Variants in EVC observed in about 807,000 individuals in gnomAD.
EVC encodes the protein EvC ciliary complex subunit 1, also known as evC complex member EVC.
In EVC, 116 loss-of-function variants were observed where a neutral mutation model predicts 118.9. That is an observed-to-expected ratio of 0.98 (90% CI 0.84 to 1.14). The LOEUF (loss-of-function observed/expected upper bound fraction) is 1.14. Ranked by LOEUF, EVC falls within the 50% of genes most tolerant of loss-of-function variation. The probability of loss-of-function intolerance (pLI) is 0.00; values close to 1 mark genes in which losing one functional copy is unlikely to be tolerated. For missense variants in EVC, 1,401 were observed against 1,246.4 expected (o/e 1.12, Z -1.87); for synonymous variants, 619 against 534.7 (o/e 1.16, Z -2.18).
chr4:5,809,696 C>T, intron 19 of EVC, 85 bp downstream of exon 19: 1 of 1,215,254 alleles, frequency 8.2e-7, no homozygotes, highest in Non-Finnish European at 1.2e-6. Flanking sequence ...CACTAACTAG[C>T]TGTGTGACCT....
chr4:5,828,440 G>A, the EVC span: 1 of 1,591,490 alleles, frequency 6.3e-7, no homozygotes, highest in Non-Finnish European at 8.6e-7. Flanking sequence ...AAGAGACGCT[G>A]TCGGCTCTGG....
rs12501467 is a variant in EVC at position 5,742,252 on chromosome 4, C to T, written c.801+438C>T. On this transcript the variant is annotated intron_variant, in intron 6 of 20. Coordinates refer to ENST00000264956, the MANE Select transcript of EVC (RefSeq NM_153717.3). This position sits in a 1 kb window ranked among gnomAD's most constrained non-coding sequence, Gnocchi z 5.2. ...GTTGGTATCCTGGCTTTATCTTTTA[C>T]AAGCTCTCAGAATCGTAGTTTCCTT... 6.6e-6 allele frequency among the ~76,000 whole-genome samples: 1 copy of T among 152,088 alleles called. No homozygotes were observed. The highest frequency in any genetic ancestry group is 2.4e-5 in the African/African-American group (1 of 41,420).
At chr4:5,764,605 T>A (rs200620055) in intron 11 of EVC, among the ~76,000 whole-genome samples, 51,138 of 147,830 alleles carry the variant, frequency 0.35, 9,394 homozygotes, top group Admixed American at 0.46. Flanking sequence ...ATTCAGAGAT[T>A]CAACTTCTTC....
Position 5,813,211 on chromosome 4 carries a change from T to TA in EVC, c.*2178dup, listed in dbSNP as rs1717190936. ...TATGGCTTCCTTGGTGCAATATTCT[T>TA]AAAACCTGCTTTGCATAGAAATCAC... On this transcript the variant is annotated 3_prime_UTR_variant, in exon 21 of 21. Coordinates refer to ENST00000264956, the MANE Select transcript of EVC (RefSeq NM_153717.3). 6.6e-6 allele frequency: 1 copy of TA among 152,190 alleles called. No homozygotes were observed. Among genetic ancestry groups the TA allele is most frequent in the Admixed American group, 6.5e-5 (1 of 15,284 alleles). The allele number at this position is 152,190 out of a possible 1,614,324, so 9.4% of individuals were successfully genotyped here. A position where few individuals can be genotyped will look rare whatever the true frequency, so the allele number is the denominator to read the frequency against.
At chr4:5,809,775 AC>A (rs1716590673) in intron 19 of EVC, among the ~76,000 whole-genome samples, 164 bp downstream of exon 19, 2 of 151,992 alleles carry the variant, frequency 1.3e-5, no homozygotes, top group Admixed American at 6.5e-5. Flanking sequence ...TGGCTAGGCC[AC>A]CCCTCAGGCC....
chr4:5,827,685 T>C, the EVC span, among the ~76,000 whole-genome samples: 1 of 151,552 alleles, frequency 6.6e-6, no homozygotes, highest in Admixed American at 6.6e-5. Context: ...CGTGCATGCA[T>C]GTACACATGC....
chr4:5,757,475 C>T (rs1403611333), intron 11 of EVC, among the ~76,000 whole-genome samples: 1 of 152,248 alleles, frequency 6.6e-6, no homozygotes, highest in East Asian at 1.9e-4. Flanking sequence ...GTGAATACCA[C>T]TGACTGGTGG....
intron 2 of EVC, among the ~76,000 whole-genome samples, chr4:5,724,171 A>G (rs1361538787): frequency 1.3e-5 from 2 of 152,248 alleles, no homozygotes; most frequent in African/African-American, 4.8e-5. Flanking sequence ...GCAAACATGC[A>G]TAAGGTGGCT....
chr4:5,821,674 A>T, the EVC span: 1 of 1,317,738 alleles, frequency 7.6e-7, no homozygotes, highest in Non-Finnish European at 1.1e-6. This position sits in a 1 kb window ranked among gnomAD's most constrained non-coding sequence, Gnocchi z 4.4. Flanking sequence ...CACCAACTAA[A>T]ACTGTGGGTT....
chr4:5,723,021 A>G (rs956283575), intron 2 of EVC, among the ~76,000 whole-genome samples: 4 of 152,136 alleles, frequency 2.6e-5, no homozygotes, highest in Non-Finnish European at 5.9e-5. Context: ...GGCAGAGACC[A>G]TGACCGTCCT....
rs936605119 is a variant in EVC at position 5,755,435 on chromosome 4, G to T, written c.1465-829G>T. Among the ~76,000 whole-genome samples, 5 of 152,154 alleles carry T rather than the reference G, an allele frequency of 3.3e-5. No individual in the cohort carries two copies. Among genetic ancestry groups the T allele is most frequent in the African/African-American group, 9.7e-5 (4 of 41,438 alleles). ...ATGGGCAAACGAGCGAATGAAGGAGGATGGAATGGGTGGGAGAATGAACGA... is the reference window on the plus strand; with the variant it reads ...ATGGGCAAACGAGCGAATGAAGGAGTATGGAATGGGTGGGAGAATGAACGA... On this transcript the variant is annotated intron_variant, in intron 10 of 20. Coordinates refer to ENST00000264956, the MANE Select transcript of EVC (RefSeq NM_153717.3). This position sits in a 1 kb window ranked among gnomAD's most constrained non-coding sequence, Gnocchi z 4.1.
chr4:5,814,049 G>A lies in EVC; in HGVS notation c.*3012G>A, dbSNP rs1448125736. On this transcript the variant is annotated 3_prime_UTR_variant, in exon 21 of 21. Transcript: ENST00000264956. The stretch of plus-strand genomic sequence containing the variant: ...TGTACCTGGGCACAGACTCGGGGCT[G>A]CCCTGAAGCTGATGAAGGCTTGAAG... The A allele has an allele frequency of 1.3e-5, 2 of 152,272 alleles. No homozygotes were observed. The highest frequency in any genetic ancestry group is 2.9e-5 in the Non-Finnish European group (2 of 68,084). 9.4% of individuals were successfully genotyped at this position (152,272 alleles called of 1,614,324 possible).
intron 17 of EVC, among the ~76,000 whole-genome samples, chr4:5,805,434 G>T (rs1040716736): frequency 6.6e-6 from 1 of 152,196 alleles, no homozygotes; most frequent in Non-Finnish European, 1.5e-5. Flanking sequence ...AAGCTGCTCA[G>T]TAACAGGTGT....
intron 17 of EVC, among the ~76,000 whole-genome samples, chr4:5,806,425 C>T (rs1325151617): frequency 6.6e-6 from 1 of 152,122 alleles, no homozygotes; most frequent in East Asian, 1.9e-4. Context: ...ATTGAGCTCC[C>T]ACTCATAACT....
At chr4:5,762,569 T>C (rs1228667735) in intron 11 of EVC, among the ~76,000 whole-genome samples, 1 of 147,854 alleles carries the variant, frequency 6.8e-6, no homozygotes, top group Non-Finnish European at 1.5e-5. Context: ...ACCTGTTGTT[T>C]CCTGACTTTT....
In EVC at chr4:5,742,957, G is replaced by A. The variant is rs1728831874; in HGVS notation, c.801+1143G>A. On this transcript the variant is annotated intron_variant, in intron 6 of 20. Coordinates refer to ENST00000264956, the MANE Select transcript of EVC (RefSeq NM_153717.3). The surrounding 1 kb of genome is among the most constrained non-coding windows in gnomAD (Gnocchi z 5.2). ...TGCCCAGAGTTGGTAACATATGGATGCTTGGCAACTGTATTTATACTCATG... is the reference window on the plus strand; with the variant it reads ...TGCCCAGAGTTGGTAACATATGGATACTTGGCAACTGTATTTATACTCATG... 6.6e-6 allele frequency among the ~76,000 whole-genome samples: 1 copy of A among 152,208 alleles called. No homozygotes were observed. Among genetic ancestry groups the A allele is most frequent in the Non-Finnish European group, 1.5e-5 (1 of 68,040 alleles).
chr4:5,798,758 C>A lies in EVC; in HGVS notation c.2270C>A (p.Thr757Asn). 1 of 1,611,234 alleles carries A rather than the reference C, an allele frequency of 6.2e-7. No individual in the cohort carries two copies. The highest frequency in any genetic ancestry group is 8.5e-7 in the Non-Finnish European group (1 of 1,179,968). Residue 757 changes from threonine (T) to asparagine (N), a missense_variant, in exon 15 of 21, where the codon ACC (threonine) becomes AAC (asparagine). Coordinates refer to ENST00000264956, the MANE Select transcript of EVC (RefSeq NM_153717.3). This position sits in a 1 kb window ranked among gnomAD's most constrained non-coding sequence, Gnocchi z 4.1. ...ALLVHARNAATKSRAKDRDDF... is the reference protein window; with the variant it reads ...ALLVHARNAANKSRAKDRDDF... ...CTGGTGCATGCACGGAATGCAGCCA[C>A]CAAGAGCCGGGCCAAGGACAGGGAT...
intron 11 of EVC, among the ~76,000 whole-genome samples, chr4:5,777,422 G>T (rs1734866496): frequency 6.6e-6 from 1 of 151,998 alleles, no homozygotes; most frequent in South Asian, 2.1e-4. Context: ...TTGAACTTCG[G>T]TCCTCTGACA....
intron 1 of EVC, among the ~76,000 whole-genome samples, 170 bp downstream of exon 1, chr4:5,711,724 G>A (rs948816045): frequency 1.3e-5 from 2 of 152,198 alleles, no homozygotes; most frequent in Non-Finnish European, 2.9e-5. Context: ...AGGTGGCGGC[G>A]TGACTAAAGG....
Sources: gnomAD v4.1 joint callset for allele counts (sites outside exome capture counted in the v4.1 genomes callset) on GRCh38, gnomAD v4.1.1 for gene constraint, Gnocchi (gnomAD v3.1) non-coding constraint, MANE v1.5 for transcripts, NCBI Gene and HGNC (gene_info 2026-07-23, HGNC 2026-07-21) for gene names.